The following SATL1 variants were observed in gnomAD, a reference collection of about 807,000 sequenced individuals.
The protein encoded by SATL1 is spermidine/spermine N1-acetyl transferase like 1.
Under a neutral mutation model 51.8 loss-of-function variants are expected in SATL1, and 47 were observed. The ratio of observed to expected loss-of-function variants is 0.91; its 90% confidence interval spans 0.72 to 1.16. SATL1 has a LOEUF of 1.16. SATL1 is among the 50% of genes most tolerant of loss of function. The probability of loss-of-function intolerance (pLI) is 0.00; values close to 1 mark genes in which losing one functional copy is unlikely to be tolerated. For missense variants in SATL1, 520 were observed against 526.4 expected (o/e 0.99, Z 0.12); for synonymous variants, 176 against 182.4 (o/e 0.97, Z 0.28).
chrX:85,234,700 A>AT (rs200402512), intron 1 of SATL1, among the ~76,000 whole-genome samples: 14,464 of 110,677 alleles, frequency 0.13, 731 homozygotes, highest in South Asian at 0.18. Context: ...ATCAAAAAAC[A>AT]ACTACAGATT....
chrX:85,145,723 C>G (rs1926218795), intron 2 of SATL1, among the ~76,000 whole-genome samples: 1 of 110,500 alleles, frequency 9.0e-6, no homozygotes, highest in South Asian at 3.9e-4. Flanking sequence ...ATAGTAATCA[C>G]CTAACCGATC....
chrX:85,159,072 C>A (rs772977912), intron 2 of SATL1, among the ~76,000 whole-genome samples: 1 of 111,560 alleles, frequency 9.0e-6, no homozygotes, highest in Non-Finnish European at 1.9e-5. Flanking sequence ...TTATCAAGCA[C>A]TCCACAACAG....
chrX:85,163,948 G>A (rs1926777623), intron 2 of SATL1, among the ~76,000 whole-genome samples: 1 of 111,781 alleles, frequency 8.9e-6, no homozygotes. Flanking sequence ...TCCAGTGTTA[G>A]GTGGATATAT....
Position 85,092,337 on chromosome X carries a change from G to C in SATL1, c.*54C>G. The C allele has an allele frequency of 1.8e-6, 2 of 1,121,287 alleles. No homozygotes were observed. Among genetic ancestry groups the C allele is most frequent in the Non-Finnish European group, 2.4e-6 (2 of 848,673 alleles). The allele number at this position is 1,121,287 out of a possible 1,213,427, so 92.4% of individuals were successfully genotyped here. A position where few individuals can be genotyped will look rare whatever the true frequency, so the allele number is the denominator to read the frequency against. ...CAAAGTCAAACTGCTGTTAGACTCAGGTGACAGTCAAATGTTGGAGGCTGT... is the reference window on the plus strand; with the variant it reads ...CAAAGTCAAACTGCTGTTAGACTCACGTGACAGTCAAATGTTGGAGGCTGT... On this transcript the variant is annotated 3_prime_UTR_variant, in exon 8 of 8. Coordinates refer to ENST00000644105, the MANE Select transcript of SATL1 (RefSeq NM_001367857.2).
intron 2 of SATL1, among the ~76,000 whole-genome samples, chrX:85,114,958 T>A (rs1404571943): frequency 8.9e-6 from 1 of 111,886 alleles, no homozygotes; most frequent in Admixed American, 9.5e-5. Flanking sequence ...GAGTAGCCTA[T>A]TTTTTAAATA....
rs994333437 is a variant in SATL1, at chrX:85,116,026, T to A, written c.-312-6746A>T. On this transcript the variant is annotated intron_variant, in intron 2 of 7. Transcript: ENST00000644105. ...TGAATAGGGAGAAGAAAACTGCATA[T>A]GGGGGTTGAACACCTCTAGCCAAAG... The A allele has an allele frequency of 2.7e-5, 3 of 111,155 alleles. No individual in the cohort carries two copies. The Admixed American group carries it at 2.9e-4, about 11-fold the overall frequency. 9.2% of individuals were successfully genotyped at this position (111,155 alleles called of 1,213,427 possible). A position where few individuals can be genotyped will look rare whatever the true frequency, so the allele number is the denominator to read the frequency against.
chrX:85,109,599 T>C (rs1394491513), intron 2 of SATL1, among the ~76,000 whole-genome samples: 2 of 111,749 alleles, frequency 1.8e-5, no homozygotes, highest in Non-Finnish European at 3.8e-5. Flanking sequence ...TTTCCCTTCA[T>C]CCCATTATTC....
chrX:85,223,829 T>C (rs957819676), intron 2 of SATL1, among the ~76,000 whole-genome samples: 1 of 111,363 alleles, frequency 9.0e-6, no homozygotes, highest in Non-Finnish European at 1.9e-5. Flanking sequence ...TCAACATGTG[T>C]GCAAGGCTTG....
intron 2 of SATL1, among the ~76,000 whole-genome samples, chrX:85,114,607 G>GA: frequency 8.9e-6 from 1 of 112,239 alleles, no homozygotes; most frequent in Non-Finnish European, 1.9e-5. Context: ...AGACAAAATT[G>GA]AAAAGGAAAT....
intron 2 of SATL1, among the ~76,000 whole-genome samples, chrX:85,121,737 G>A (rs911962785): frequency 3.7e-5 from 4 of 107,790 alleles, no homozygotes; most frequent in African/African-American, 1.3e-4. Flanking sequence ...GGAATGGGGA[G>A]TTGTTTAAAG....
chrX:85,194,165 A>G (rs73511674), intron 2 of SATL1, among the ~76,000 whole-genome samples: 20 of 112,194 alleles, frequency 1.8e-4, no homozygotes, highest in African/African-American at 6.5e-4. Context: ...TTTCTCTACA[A>G]CCTTGCCAGC....
chrX:85,234,941 A>C (rs1212111429), intron 1 of SATL1, among the ~76,000 whole-genome samples: 1 of 111,307 alleles, frequency 9.0e-6, no homozygotes, highest in Non-Finnish European at 1.9e-5. Flanking sequence ...AAAAAAAACA[A>C]TAACAAGACC....
intron 2 of SATL1, among the ~76,000 whole-genome samples, chrX:85,171,101 T>G (rs1388260157): frequency 2.7e-5 from 3 of 111,397 alleles, no homozygotes; most frequent in African/African-American, 9.7e-5. Flanking sequence ...AATAGAATAA[T>G]ATGGTCATAA....
intron 2 of SATL1, among the ~76,000 whole-genome samples, chrX:85,200,598 G>C (rs1403389832): frequency 9.0e-6 from 1 of 111,040 alleles, no homozygotes; most frequent in African/African-American, 3.3e-5. Context: ...TAAAGGGACT[G>C]ATGCTAGAAA....
rs1236532099 is a variant in SATL1 at position 85,215,832 on chromosome X, C to T, written c.-313+8373G>A. ...AAGTTCCAAACTTTCACCTGTCTCC[C>T]AGTCTTCTTCTGAGTGCTCCAAACT... On this transcript the variant is annotated intron_variant, in intron 2 of 7. Transcript: ENST00000644105. 2.7e-5 allele frequency among the ~76,000 whole-genome samples: 3 copies of T among 112,395 alleles called. No individual in the cohort carries two copies. The Admixed American group carries it at 2.8e-4, about 11-fold the overall frequency.
intron 4 of SATL1, among the ~76,000 whole-genome samples, chrX:85,102,749 A>T (rs966965244): frequency 1.8e-5 from 2 of 111,749 alleles, no homozygotes; most frequent in Non-Finnish European, 3.8e-5. Flanking sequence ...CAGATTGAGT[A>T]TCTCTTATCC....
intron 2 of SATL1, among the ~76,000 whole-genome samples, chrX:85,164,869 C>T (rs1489229077): frequency 9.1e-6 from 1 of 109,659 alleles, no homozygotes; most frequent in Non-Finnish European, 1.9e-5. Context: ...GGATTACAGG[C>T]ACGCACCACC....
intron 2 of SATL1, among the ~76,000 whole-genome samples, chrX:85,123,171 G>A (rs1465146855): frequency 1.8e-5 from 2 of 110,850 alleles, no homozygotes; most frequent in African/African-American, 3.3e-5. Flanking sequence ...TATTTTTTGG[G>A]TATATACCCA....
At chrX:85,156,846 T>C (rs868233661) in intron 2 of SATL1, among the ~76,000 whole-genome samples, 1 of 21,768 alleles carries the variant, frequency 4.6e-5, no homozygotes, top group Non-Finnish European at 1.1e-4. Flanking sequence ...TATATATATA[T>C]ATATATATAT....
Sources: allele counts gnomAD v4.1 joint callset (sites outside exome capture counted in the v4.1 genomes callset), GRCh38; gene constraint gnomAD v4.1.1; transcripts MANE v1.5; gene names NCBI Gene and HGNC (gene_info 2026-07-23, HGNC 2026-07-21).